BMP2K: variants seen among roughly 807,000 people sequenced by gnomAD.
BMP2K encodes the protein BMP2 inducible kinase, also known as BMP-2-inducible protein kinase.
Under a neutral mutation model 116.0 loss-of-function variants are expected in BMP2K, and 74 were observed. That is an observed-to-expected ratio of 0.64 (90% CI 0.53 to 0.77). The LOEUF is 0.77. Among genes scored for constraint, BMP2K ranks in the 30% least tolerant of loss-of-function variants. The pLI, the probability that BMP2K is intolerant of heterozygous loss-of-function variation, is 0.00. For synonymous variants in BMP2K, 486 were observed against 502.5 expected (o/e 0.97, Z 0.44); for missense variants, 1,365 against 1,403.6 (o/e 0.97, Z 0.44).
At chr4:78,829,851 T>TCTTCTC (rs60835727) in intron 2 of BMP2K, among the ~76,000 whole-genome samples, 2 of 149,168 alleles carry the variant, frequency 1.3e-5, no homozygotes, top group South Asian at 2.1e-4. Flanking sequence ...TCTTCTCTTC[T>TCTTCTC]TTTTTTCTTT....
At chr4:78,808,064 T>C (rs1728908095) in intron 1 of BMP2K, among the ~76,000 whole-genome samples, 1 of 151,880 alleles carries the variant, frequency 6.6e-6, no homozygotes, top group Admixed American at 6.6e-5. Flanking sequence ...TTTTATTTAT[T>C]TTTTTTTCGA....
intron 7 of BMP2K, among the ~76,000 whole-genome samples, chr4:78,857,994 A>G (rs1731586282): frequency 6.6e-6 from 1 of 151,846 alleles, no homozygotes; most frequent in Non-Finnish European, 1.5e-5. Flanking sequence ...CTATTTTTCC[A>G]TTAGTTTTAA....
At chr4:78,777,360 A>G (rs373308051) in intron 1 of BMP2K, among the ~76,000 whole-genome samples, 22 of 152,312 alleles carry the variant, frequency 1.4e-4, no homozygotes, top group African/African-American at 4.8e-4. Context: ...CCCTCCCAGT[A>G]TGTCTCTTTG....
chr4:78,911,837 C>A lies in BMP2K; in HGVS notation c.3290C>A (p.Thr1097Asn). ...GLSDIRADHNTVLPGRPRQNS... is the reference protein window; with the variant it reads ...GLSDIRADHNNVLPGRPRQNS... ...AGCGACATCCGTGCTGATCACAATA[C>A]TGTCCTGCCAGGGCGGCCAAGACAA... is the stretch of plus-strand genomic sequence containing the variant. Residue 1097 changes from threonine to asparagine, a missense_variant, in exon 16 of 16, where the codon ACT (threonine) becomes AAT (asparagine). Thr to Asn is a moderately conservative substitution (Grantham distance 65). This residue lies in a region of BMP2K where 596 missense variants were observed against 623.2 expected (regional missense o/e 0.96). Transcript: ENST00000502613. 2.5e-6 allele frequency: 4 copies of A among 1,614,026 alleles called. No homozygotes were observed. The highest frequency in any genetic ancestry group is 3.4e-6 in the Non-Finnish European group (4 of 1,179,894).
chr4:78,910,973 C>T lies in BMP2K; in HGVS notation c.2426C>T (p.Ala809Val), dbSNP rs78332054. 6.2e-7 allele frequency: 1 copy of T among 1,613,540 alleles called. No homozygotes were observed. The highest frequency in any genetic ancestry group is 8.5e-7 in the Non-Finnish European group (1 of 1,179,750). Residue 809 changes from alanine to valine, a missense_variant, in exon 16 of 16, where the codon GCT (alanine) becomes GTT (valine). Ala to Val is a moderately conservative substitution (Grantham distance 64). Around this residue, in one of 3 missense-constraint regions of BMP2K, gnomAD observed 596 missense variants for 623.2 expected, o/e 0.96. Coordinates refer to ENST00000502613, the MANE Select transcript of BMP2K (RefSeq NM_198892.2). ...AGCTCTGATTCTGATTATGAGCAGG[C>T]TAAAGCAAAGTACAGTGACATGAGC... ...KHSSDSDYEQ[A>V]KAKYSDMSSV... is the part of the protein sequence containing the mutation.
chr4:78,905,627 T>G (rs1241302390), intron 15 of BMP2K, among the ~76,000 whole-genome samples: 2 of 151,950 alleles, frequency 1.3e-5, no homozygotes. Flanking sequence ...TCAGTAAATA[T>G]GGGGATTATT....
At chr4:78,898,673 C>T (rs116732198) in intron 15 of BMP2K, among the ~76,000 whole-genome samples, 173 of 149,924 alleles carry the variant, frequency 1.2e-3, no homozygotes, top group African/African-American at 4.0e-3. Flanking sequence ...AAAAAAAAGA[C>T]CATTGCTCCT....
At chr4:78,792,144 G>C (rs908895069) in intron 1 of BMP2K, among the ~76,000 whole-genome samples, 1 of 152,154 alleles carries the variant, frequency 6.6e-6, no homozygotes, top group African/African-American at 2.4e-5. Flanking sequence ...GTAATGAAGT[G>C]TTATCTATCT....
At chr4:78,831,179 A>T (rs1432204396) in intron 2 of BMP2K, among the ~76,000 whole-genome samples, 1 of 152,250 alleles carries the variant, frequency 6.6e-6, no homozygotes, top group Non-Finnish European at 1.5e-5. Flanking sequence ...GTTAGAACAC[A>T]TATAACATTT....
chr4:78,825,911 T>C, intron 1 of BMP2K, 126 bp from the exon 2 acceptor site: 1 of 692,794 alleles, frequency 1.4e-6, no homozygotes, highest in Non-Finnish European at 2.4e-6. Context: ...TAGTAGCTTA[T>C]TGCACTTGTT....
intron 1 of BMP2K, among the ~76,000 whole-genome samples, chr4:78,788,487 T>A (rs1430041628): frequency 2.0e-5 from 3 of 151,962 alleles, no homozygotes; most frequent in Non-Finnish European, 4.4e-5. Context: ...TCAGTTTAAA[T>A]CCTAGTGAAT....
chr4:78,898,016 C>G (rs1733794190), intron 15 of BMP2K, among the ~76,000 whole-genome samples: 1 of 152,130 alleles, frequency 6.6e-6, no homozygotes, highest in South Asian at 2.1e-4. Context: ...ATGAGGAAAG[C>G]TTCATGAGAA....
intron 5 of BMP2K, 97 bp from the exon 6 acceptor site, chr4:78,847,091 C>T (rs910505265): frequency 1.1e-5 from 7 of 639,838 alleles, no homozygotes; most frequent in Non-Finnish European, 1.6e-5. Context: ...ACCTAAAAGA[C>T]TTTTTTTGTA....
intron 2 of BMP2K, among the ~76,000 whole-genome samples, chr4:78,833,320 C>T (rs1046854150): frequency 6.6e-6 from 1 of 151,980 alleles, no homozygotes; most frequent in South Asian, 2.1e-4. Context: ...CTTTTGGGAG[C>T]TATTCCTTTT....
In BMP2K at chr4:78,861,397, T is replaced by C. The variant is rs769773013; in HGVS notation, c.996T>C (p.Ser332=). ...DCPVSNINNS[S]IPSALPEPMT... ...ATTTTTTTTCTTCCAAGAATTCTTC[T>C]ATTCCTTCAGCTCTTCCTGAACCGA... Residue 332 remains serine (S), a synonymous_variant, in exon 9 of 16, where the codon TCT becomes TCC. Coordinates refer to ENST00000502613, the MANE Select transcript of BMP2K (RefSeq NM_198892.2). 3.1e-5 allele frequency: 49 copies of C among 1,599,286 alleles called. No individual in the cohort carries two copies. The highest frequency in any genetic ancestry group is 4.2e-5 in the Non-Finnish European group (49 of 1,173,758).
intron 3 of BMP2K, among the ~76,000 whole-genome samples, chr4:78,841,237 A>G (rs915103459): frequency 6.6e-6 from 1 of 152,232 alleles, no homozygotes; most frequent in African/African-American, 2.4e-5. Context: ...GTAAAATAGC[A>G]TATGTTCATT....
intron 1 of BMP2K, among the ~76,000 whole-genome samples, chr4:78,816,801 A>C (rs1233725399): frequency 1.3e-5 from 2 of 152,218 alleles, no homozygotes; most frequent in Non-Finnish European, 2.9e-5. Flanking sequence ...ATTCATAGGT[A>C]ACTGGACACA....
rs1008410218 is a variant in BMP2K at position 78,829,807 on chromosome 4, C to T, written c.297+3652C>T. The stretch of plus-strand genomic sequence containing the variant: ...TTTCTTTTCTCTTCTCTTCTCTTCT[C>T]TTCTCTTCTCTTCTCTTCTCTTCTC... On this transcript the variant is annotated intron_variant, in intron 2 of 15. Transcript: ENST00000502613. Among the ~76,000 whole-genome samples, 390 of 133,630 alleles carry T rather than the reference C, an allele frequency of 2.9e-3. 2 individuals carry two copies. The highest frequency in any genetic ancestry group is 0.013 in the African/African-American group (372 of 29,288). 87.7% of individuals were successfully genotyped at this position (133,630 alleles called of 152,430 possible). A position where few individuals can be genotyped will look rare whatever the true frequency, so the allele number is the denominator to read the frequency against.
chr4:78,894,432 T>A (rs1046854883), intron 15 of BMP2K, among the ~76,000 whole-genome samples: 1 of 152,236 alleles, frequency 6.6e-6, no homozygotes, highest in East Asian at 1.9e-4. Context: ...TGTACTTACA[T>A]GTTCTGGAGA....
Sources: allele counts gnomAD v4.1 joint callset (sites outside exome capture counted in the v4.1 genomes callset), GRCh38; gene constraint gnomAD v4.1.1; regional missense constraint gnomAD v4.1.1; transcripts MANE v1.5; gene names NCBI Gene and HGNC (gene_info 2026-07-23, HGNC 2026-07-21).